The following GSDMC variants were observed in gnomAD, a reference collection of about 807,000 sequenced individuals.
GSDMC encodes the protein gasdermin C.
GSDMC carries 59 observed loss-of-function variants against 58.0 expected under a neutral mutation model. The observed-to-expected ratio is 1.02, with a 90% confidence interval of 0.82 to 1.26. GSDMC has a LOEUF of 1.26. GSDMC is among the 50% of genes most tolerant of loss of function. The probability of loss-of-function intolerance (pLI) is 0.00; values close to 1 mark genes in which losing one functional copy is unlikely to be tolerated. For synonymous variants in GSDMC, 241 were observed against 220.2 expected, an observed-to-expected ratio of 1.09 and a Z score of -0.83; for missense variants, 659 against 598.5, an observed-to-expected ratio of 1.10 and a Z score of -1.06.
chr8:129,742,273 C>T, the GSDMC span, among the ~76,000 whole-genome samples: 1 of 151,722 alleles, frequency 6.6e-6, no homozygotes, highest in Non-Finnish European at 1.5e-5. Flanking sequence ...TTGCAAATGC[C>T]CCATCACAAA....
intron 1 of GSDMC, among the ~76,000 whole-genome samples, chr8:129,784,984 G>T (rs545150573): frequency 1.3e-5 from 2 of 152,104 alleles, no homozygotes; most frequent in African/African-American, 4.8e-5. Context: ...AGGCTGAGGC[G>T]GGTGGATCAA....
intron 1 of GSDMC, 135 bp from the exon 2 acceptor site, chr8:129,777,726 G>C (rs192919906): frequency 1.7e-5 from 11 of 629,252 alleles, no homozygotes; most frequent in Non-Finnish European, 2.8e-5. Context: ...ATAGTGACTA[G>C]ATTATAACTT....
chr8:129,743,357 C>T (rs948231104), downstream of GSDMC, among the ~76,000 whole-genome samples: 2 of 152,128 alleles, frequency 1.3e-5, no homozygotes, highest in Non-Finnish European at 2.9e-5. Flanking sequence ...ACCTATTCTA[C>T]TAACAAGCCT....
intron 1 of GSDMC, 28 bp from the exon 2 acceptor site, chr8:129,777,619 G>C (rs1173616885): frequency 5.9e-6 from 7 of 1,178,696 alleles, no homozygotes; most frequent in Non-Finnish European, 1.3e-6. Context: ...GAGAGCATCA[G>C]TTGGGAGAGG....
chr8:129,727,533 G>T, the GSDMC span, among the ~76,000 whole-genome samples: 1 of 152,144 alleles, frequency 6.6e-6, no homozygotes, highest in Non-Finnish European at 1.5e-5. Context: ...AAGACAGGCC[G>T]AGGGAGAGCA....
At chr8:129,755,376 T>A (rs1214070488) in intron 6 of GSDMC, among the ~76,000 whole-genome samples, 2 of 151,952 alleles carry the variant, frequency 1.3e-5, no homozygotes, top group African/African-American at 4.8e-5. Context: ...GGCAAAAATA[T>A]CCTCCAAGGA....
At chr8:129,738,615 T>C in the GSDMC span, among the ~76,000 whole-genome samples, 2 of 151,934 alleles carry the variant, frequency 1.3e-5, no homozygotes, top group African/African-American at 4.8e-5. Context: ...TGAGAACACT[T>C]GGACACAGGG....
chr8:129,711,051 C>A, the GSDMC span, among the ~76,000 whole-genome samples: 1 of 152,292 alleles, frequency 6.6e-6, no homozygotes, highest in South Asian at 2.1e-4. Flanking sequence ...TTTGCTGAAA[C>A]CCCTTATCAA....
the GSDMC span, among the ~76,000 whole-genome samples, chr8:129,720,136 A>G: frequency 1.3e-5 from 2 of 152,212 alleles, no homozygotes; most frequent in African/African-American, 4.8e-5. Context: ...GCCAAGCTAG[A>G]AAGTAGACAG....
chr8:129,779,197 A>G (rs547088805), intron 1 of GSDMC, among the ~76,000 whole-genome samples: 9 of 152,346 alleles, frequency 5.9e-5, no homozygotes, highest in Non-Finnish European at 7.3e-5. Context: ...TAGCAAAGAC[A>G]TGGAATAAAC....
the GSDMC span, among the ~76,000 whole-genome samples, chr8:129,732,558 C>T: frequency 3.1e-3 from 472 of 152,280 alleles, 3 homozygotes; most frequent in Non-Finnish European, 4.5e-3. Context: ...ACTGGATCTA[C>T]AGCAATGGTC....
chr8:129,738,999 T>A, the GSDMC span, among the ~76,000 whole-genome samples: 1 of 152,198 alleles, frequency 6.6e-6, no homozygotes, highest in Non-Finnish European at 1.5e-5. Context: ...TGAAGACCAG[T>A]TTTTGAACTA....
At chr8:129,729,643 T>C in the GSDMC span, 1 of 349,156 alleles carries the variant, frequency 2.9e-6, no homozygotes, top group East Asian at 6.8e-5. Context: ...CATGAACTCA[T>C]CCTTTTTTAT....
chr8:129,783,741 T>A (rs1488770118), intron 1 of GSDMC, among the ~76,000 whole-genome samples: 1 of 152,004 alleles, frequency 6.6e-6, no homozygotes, highest in African/African-American at 2.4e-5. Context: ...GAAAAAACAA[T>A]CCTAAAATTT....
the GSDMC span, chr8:129,706,577 C>T: frequency 6.6e-6 from 1 of 152,136 alleles, no homozygotes; most frequent in Non-Finnish European, 1.5e-5. Context: ...AAAAATGGAG[C>T]CAGGCACTTA....
chr8:129,742,308 G>T, the GSDMC span, among the ~76,000 whole-genome samples: 2 of 151,942 alleles, frequency 1.3e-5, no homozygotes, highest in Non-Finnish European at 2.9e-5. Context: ...TGAAGTGATA[G>T]ATATATTAAT....
the GSDMC span, among the ~76,000 whole-genome samples, chr8:129,727,128 A>G: frequency 6.6e-6 from 1 of 152,218 alleles, no homozygotes; most frequent in South Asian, 2.1e-4. Flanking sequence ...ATTTGGAAAT[A>G]GAGCCCTTGC....
At chr8:129,764,147 T>C (rs1166582814) in intron 4 of GSDMC, among the ~76,000 whole-genome samples, 4 of 152,230 alleles carry the variant, frequency 2.6e-5, no homozygotes, top group Admixed American at 6.5e-5. Flanking sequence ...CAAAGTGTTT[T>C]TGTTTTGGGT....
the GSDMC span, among the ~76,000 whole-genome samples, chr8:129,733,554 T>A: frequency 6.6e-6 from 1 of 152,012 alleles, no homozygotes; most frequent in Non-Finnish European, 1.5e-5. Context: ...TCCAGCAAAC[T>A]CCAACAGACC....
Sources: allele counts gnomAD v4.1 joint callset (sites outside exome capture counted in the v4.1 genomes callset), GRCh38; gene constraint gnomAD v4.1.1; transcripts MANE v1.5; gene names NCBI Gene and HGNC (gene_info 2026-07-23, HGNC 2026-07-21).